The following NLK variants were observed in gnomAD, a reference collection of about 807,000 sequenced individuals.
NLK encodes the protein nemo like kinase.
In NLK, 11 loss-of-function variants were observed where a neutral mutation model predicts 59.0. The observed-to-expected ratio is 0.19, with a 90% confidence interval of 0.12 to 0.31. NLK has a LOEUF of 0.31. Among genes scored for constraint, NLK ranks in the 10% least tolerant of loss-of-function variants. The pLI, the probability that NLK is intolerant of heterozygous loss-of-function variation, is 1.00. For missense variants in NLK, 410 were observed against 661.1 expected (o/e 0.62, Z 4.16); for synonymous variants, 235 against 235.9 (o/e 1.00, Z 0.03).
chr17:28,149,132 C>G (rs1907376698), intron 3 of NLK, among the ~76,000 whole-genome samples: 1 of 152,178 alleles, frequency 6.6e-6, no homozygotes, highest in African/African-American at 2.4e-5. Flanking sequence ...GCAATCAGAG[C>G]TCACTGCAGC....
chr17:28,074,418 T>G (rs1238413752), intron 1 of NLK, among the ~76,000 whole-genome samples: 1 of 152,184 alleles, frequency 6.6e-6, no homozygotes, highest in Non-Finnish European at 1.5e-5. Flanking sequence ...AAAAATTTTT[T>G]TAAATGGATA....
chr17:28,202,179 T>G, the NLK span, among the ~76,000 whole-genome samples: 1 of 152,336 alleles, frequency 6.6e-6, no homozygotes, highest in East Asian at 1.9e-4. Flanking sequence ...GAGGTATTAC[T>G]TGAAGCCAGG....
At chr17:28,071,530 T>G (rs1025523024) in intron 1 of NLK, among the ~76,000 whole-genome samples, 1 of 152,166 alleles carries the variant, frequency 6.6e-6, no homozygotes, top group Non-Finnish European at 1.5e-5. Flanking sequence ...GAGCTTGCAT[T>G]TTAGAGGCCT....
the NLK span, among the ~76,000 whole-genome samples, chr17:28,202,992 T>C: frequency 2.0e-3 from 303 of 152,158 alleles, 1 homozygote; most frequent in Admixed American, 5.7e-3. Flanking sequence ...ATTTCTTCTT[T>C]AGTTATCCTG....
intron 7 of NLK, among the ~76,000 whole-genome samples, chr17:28,181,369 C>T (rs950771305): frequency 6.6e-6 from 1 of 151,964 alleles, no homozygotes; most frequent in Non-Finnish European, 1.5e-5. Context: ...CACCACTGCA[C>T]TCCAGCCTGG....
At chr17:28,113,378 G>C (rs1905609996) in intron 1 of NLK, among the ~76,000 whole-genome samples, 2 of 152,212 alleles carry the variant, frequency 1.3e-5, no homozygotes, top group Admixed American at 1.3e-4. Context: ...CTTAAGTAAA[G>C]GAATAAAAGA....
At chr17:28,049,013 A>C (rs1278821433) in intron 1 of NLK, 1 of 152,244 alleles carries the variant, frequency 6.6e-6, no homozygotes, top group Non-Finnish European at 1.5e-5. Context: ...CATCTAATAC[A>C]GGTCAACAAT....
intron 1 of NLK, among the ~76,000 whole-genome samples, chr17:28,046,707 G>A (rs1006144620): frequency 5.3e-5 from 8 of 152,176 alleles, no homozygotes; most frequent in Non-Finnish European, 1.2e-4. Flanking sequence ...TCATAATTTT[G>A]AGAGATGGAG....
At chr17:28,063,099 T>G (rs1909720230) in intron 1 of NLK, among the ~76,000 whole-genome samples, 2 of 151,962 alleles carry the variant, frequency 1.3e-5, no homozygotes, top group South Asian at 2.1e-4. Flanking sequence ...GTCTGGCTAA[T>G]TTTTTTGTAT....
chr17:28,112,193 G>A (rs919215082), intron 1 of NLK, among the ~76,000 whole-genome samples: 3 of 151,920 alleles, frequency 2.0e-5, no homozygotes, highest in African/African-American at 7.3e-5. Flanking sequence ...ATTTCTGATA[G>A]TCTGCCCTTC....
At chr17:28,166,202 G>T (rs1908229092) in intron 5 of NLK, among the ~76,000 whole-genome samples, 1 of 152,168 alleles carries the variant, frequency 6.6e-6, no homozygotes. Flanking sequence ...GTGACAGAGT[G>T]AGACTGTCTC....
At chr17:28,136,593 T>C (rs1293699948) in intron 3 of NLK, among the ~76,000 whole-genome samples, 2 of 152,138 alleles carry the variant, frequency 1.3e-5, no homozygotes, top group Non-Finnish European at 2.9e-5. Flanking sequence ...TGGGAAGTTT[T>C]CCATGTCCTT....
At chr17:28,046,515 C>T (rs1158434968) in intron 1 of NLK, among the ~76,000 whole-genome samples, 2 of 152,064 alleles carry the variant, frequency 1.3e-5, no homozygotes, top group Non-Finnish European at 2.9e-5. Flanking sequence ...ACATTACAGC[C>T]TCCAAACACC....
At chr17:28,082,287 C>T (rs766178109) in intron 1 of NLK, among the ~76,000 whole-genome samples, 1 of 152,162 alleles carries the variant, frequency 6.6e-6, no homozygotes, top group Non-Finnish European at 1.5e-5. Context: ...TCTGACAGAC[C>T]TGGCCAAAGA....
intron 3 of NLK, among the ~76,000 whole-genome samples, chr17:28,136,945 CAAAGCAA>C (rs772132866): frequency 2.2e-5 from 1 of 45,592 alleles, no homozygotes; most frequent in Non-Finnish European, 4.3e-5. Flanking sequence ...TTGTTGTAGC[CAAAGCAA>C]AAAAAAAAAA....
At chr17:28,052,201 T>C (rs1296258663) in intron 1 of NLK, among the ~76,000 whole-genome samples, 1 of 152,214 alleles carries the variant, frequency 6.6e-6, no homozygotes, top group Admixed American at 6.5e-5. Context: ...AAAACTTGCT[T>C]AGTTTCTTAT....
chr17:28,139,157 G>A (rs1272695026), intron 3 of NLK, among the ~76,000 whole-genome samples: 1 of 152,188 alleles, frequency 6.6e-6, no homozygotes, highest in East Asian at 1.9e-4. Flanking sequence ...TCAAGAGGCT[G>A]AGGCGGGAGA....
At chr17:28,189,093 A>C (rs545202317) in intron 8 of NLK, among the ~76,000 whole-genome samples, 2 of 152,082 alleles carry the variant, frequency 1.3e-5, no homozygotes, top group Non-Finnish European at 2.9e-5. Context: ...TCACCATCAA[A>C]AAGCAGGCAT....
At chr17:28,204,658 T>C in the NLK span, among the ~76,000 whole-genome samples, 2 of 152,228 alleles carry the variant, frequency 1.3e-5, no homozygotes, top group South Asian at 2.1e-4. Context: ...TCTGCCCTCA[T>C]GGAGCCCCCA....
Sources: allele counts gnomAD v4.1 joint callset (sites outside exome capture counted in the v4.1 genomes callset), GRCh38; gene constraint gnomAD v4.1.1; transcripts MANE v1.5; gene names NCBI Gene and HGNC (gene_info 2026-07-23, HGNC 2026-07-21).